COL21A1: variants seen among roughly 807,000 people sequenced by gnomAD.
The protein encoded by COL21A1 is collagen alpha-1(XXI) chain.
Under a neutral mutation model 137.9 loss-of-function variants are expected in COL21A1, and 149 were observed. The observed-to-expected ratio is 1.08, with a 90% CI of 0.95 to 1.24. COL21A1 has a LOEUF of 1.24. Among genes scored for constraint, COL21A1 ranks in the 50% most tolerant of loss-of-function variants. The pLI is 0.00. For missense variants in COL21A1, 1,167 were observed against 1,158.4 expected (o/e 1.01, Z -0.11); for synonymous variants, 456 against 391.5 (o/e 1.16, Z -1.95).
chr6:56,249,143 T>C (rs956225278), upstream of COL21A1, among the ~76,000 whole-genome samples: 3 of 152,158 alleles, frequency 2.0e-5, no homozygotes, highest in Non-Finnish European at 2.9e-5. Context: ...TAATTAGCCA[T>C]TGGGGAAATG....
chr6:56,212,047 T>G (rs1432972322), intron 1 of COL21A1, among the ~76,000 whole-genome samples: 6 of 152,196 alleles, frequency 3.9e-5, no homozygotes, highest in South Asian at 4.1e-4. Context: ...TGGTCTAACC[T>G]AAATCATTCA....
chr6:56,201,993 T>C (rs1477937280), intron 1 of COL21A1, among the ~76,000 whole-genome samples: 2 of 152,134 alleles, frequency 1.3e-5, no homozygotes, highest in Admixed American at 6.6e-5. Flanking sequence ...TGGCTTGAAG[T>C]ATAAGAACAG....
At chr6:56,368,925 T>A (rs1376279183) in intron 1 of COL21A1, among the ~76,000 whole-genome samples, 2 of 152,214 alleles carry the variant, frequency 1.3e-5, no homozygotes, top group Admixed American at 6.5e-5. Context: ...CCACATAATT[T>A]CTCCATTAAA....
chr6:56,384,764 C>T (rs553843273), intron 1 of COL21A1, among the ~76,000 whole-genome samples: 1 of 152,114 alleles, frequency 6.6e-6, no homozygotes, highest in Non-Finnish European at 1.5e-5. Context: ...CTGCTAATAA[C>T]ACTTATAAGC....
At chr6:56,131,318 TG>T (rs1773539997) in intron 12 of COL21A1, among the ~76,000 whole-genome samples, 2 of 151,334 alleles carry the variant, frequency 1.3e-5, no homozygotes, top group Non-Finnish European at 2.9e-5. Context: ...ATGAATTGAC[TG>T]TTATTGGAAG....
Position 56,283,510 on chromosome 6 carries a change from T to C in COL21A1, c.-38-100854A>G, listed in dbSNP as rs1315302581. On this transcript the variant is annotated intron_variant, in intron 1 of 28. Coordinates refer to the COL21A1 transcript ENST00000370819. ...AGAGAGTACTATTATGAATAATTCT[T>C]ATTCTCTTCTTCAACTTTCCTACAT... is the stretch of plus-strand genomic sequence containing the variant. Among the ~76,000 whole-genome samples the C allele has an allele frequency of 2.0e-5, 3 of 152,286 alleles. No individual in the cohort carries two copies. In the East Asian group the frequency reaches 5.8e-4, roughly 29 times the overall value.
At position 56,306,635 on chromosome 6, in the gene COL21A1, A is replaced by T. The variant is rs558539956; in HGVS notation, c.-39+87336T>A. ...ATTATTCTAGTTAGCCATTTATCTA[A>T]TTTTTTTTCAAGGTTTTTAACTTCT... On this transcript the variant is annotated intron_variant, in intron 1 of 28. Transcript: ENST00000370819. Among the ~76,000 whole-genome samples the T allele has an allele frequency of 1.3e-4, 19 of 151,810 alleles. No individual in the cohort carries two copies. The East Asian group carries it at 1.9e-3, about 16-fold the overall frequency.
intron 18 of COL21A1, among the ~76,000 whole-genome samples, chr6:56,076,269 C>T (rs1257921383): frequency 6.6e-6 from 1 of 151,358 alleles, no homozygotes; most frequent in Non-Finnish European, 1.5e-5. Flanking sequence ...GTATCCATGG[C>T]TACCAGCAAA....
intron 1 of COL21A1, among the ~76,000 whole-genome samples, chr6:56,333,509 A>G (rs184484147): frequency 1.2e-4 from 18 of 152,256 alleles, no homozygotes; most frequent in Admixed American, 6.6e-4. Context: ...GTATAAATAT[A>G]TCACAATCAT....
chr6:56,117,146 C>T (rs1488274061), intron 16 of COL21A1, among the ~76,000 whole-genome samples: 1 of 151,864 alleles, frequency 6.6e-6, no homozygotes, highest in Non-Finnish European at 1.5e-5. Context: ...AATCAAAACA[C>T]ATAGACTGGC....
intron 1 of COL21A1, among the ~76,000 whole-genome samples, chr6:56,229,970 A>C (rs1347741630): frequency 6.6e-6 from 1 of 151,954 alleles, no homozygotes; most frequent in Non-Finnish European, 1.5e-5. Flanking sequence ...TCTTGAAATC[A>C]ACTCAGTGGT....
chr6:56,224,580 G>A (rs1191852318), intron 1 of COL21A1, among the ~76,000 whole-genome samples: 1 of 152,016 alleles, frequency 6.6e-6, no homozygotes, highest in Non-Finnish European at 1.5e-5. Flanking sequence ...TGGAATATGG[G>A]AGACATAAAC....
chr6:56,062,886 C>T (rs969806101), intron 24 of COL21A1, among the ~76,000 whole-genome samples: 18 of 152,032 alleles, frequency 1.2e-4, no homozygotes, highest in African/African-American at 4.1e-4. Flanking sequence ...AGAGCTAAAA[C>T]TAAAAAGAGC....
chr6:56,098,650 T>A (rs1247581803), intron 17 of COL21A1, among the ~76,000 whole-genome samples: 3 of 51,530 alleles, frequency 5.8e-5, no homozygotes, highest in African/African-American at 2.2e-4. Flanking sequence ...TATATATAAA[T>A]ATATAAATAT....
At chr6:56,345,228 A>G (rs1562065779) in intron 1 of COL21A1, among the ~76,000 whole-genome samples, 1 of 152,210 alleles carries the variant, frequency 6.6e-6, no homozygotes, top group Non-Finnish European at 1.5e-5. Context: ...CATTTGAGTT[A>G]GGAGTAGAAA....
At chr6:56,333,789 A>C (rs2152343992) in intron 1 of COL21A1, among the ~76,000 whole-genome samples, 1 of 152,226 alleles carries the variant, frequency 6.6e-6, no homozygotes, top group Admixed American at 6.5e-5. Context: ...GGTGTGGTGA[A>C]TCTTTCATGC....
intron 1 of COL21A1, among the ~76,000 whole-genome samples, chr6:56,310,724 G>C (rs943687875): frequency 1.3e-5 from 2 of 152,054 alleles, no homozygotes; most frequent in Admixed American, 1.3e-4. Flanking sequence ...TTGCTCAAAA[G>C]CTTTACCATC....
intron 16 of COL21A1, among the ~76,000 whole-genome samples, chr6:56,104,498 C>A (rs1770708125): frequency 6.6e-6 from 1 of 152,094 alleles, no homozygotes; most frequent in Non-Finnish European, 1.5e-5. Flanking sequence ...CAAGATACAA[C>A]CAGCCTGTGA....
At chr6:56,307,659 C>T (rs982256709) in intron 1 of COL21A1, among the ~76,000 whole-genome samples, 1 of 152,206 alleles carries the variant, frequency 6.6e-6, no homozygotes, top group African/African-American at 2.4e-5. Flanking sequence ...TTCCCTGACC[C>T]CTTGCTCTTC....
Sources: allele counts gnomAD v4.1 joint callset (sites outside exome capture counted in the v4.1 genomes callset), GRCh38; gene constraint gnomAD v4.1.1; transcripts MANE v1.5; gene names NCBI Gene and HGNC (gene_info 2026-07-23, HGNC 2026-07-21).